Variants in CREB1 observed in about 807,000 individuals in gnomAD.
CREB1 encodes the protein cAMP responsive element binding protein 1.
Under a neutral mutation model 42.0 loss-of-function variants are expected in CREB1, and 2 were observed. The ratio of observed to expected loss-of-function variants is 0.05; its 90% confidence interval spans 0.02 to 0.15. The LOEUF (loss-of-function observed/expected upper bound fraction) is 0.15, where lower values mean the gene tolerates loss of function less well. Among genes scored for constraint, CREB1 ranks in the 10% least tolerant of loss-of-function variants. CREB1 has a pLI of 1.00. For missense variants in CREB1, 199 were observed against 388.9 expected, an observed-to-expected ratio of 0.51 and a Z score of 4.11; for synonymous variants, 123 against 139.9, an observed-to-expected ratio of 0.88 and a Z score of 0.85.
chr2:207,544,382 C>T (rs989669427), intron 1 of CREB1, among the ~76,000 whole-genome samples: 6 of 152,192 alleles, frequency 3.9e-5, no homozygotes, highest in African/African-American at 1.4e-4. Context: ...CATTGTATTC[C>T]TACCATTTCC....
chr2:207,593,542 T>C (rs906475128), intron 7 of CREB1, among the ~76,000 whole-genome samples: 9 of 151,860 alleles, frequency 5.9e-5, no homozygotes, highest in African/African-American at 1.7e-4. Flanking sequence ...AAATGAAAAA[T>C]AGAAGCAAAT....
At chr2:207,542,985 C>T (rs1354697365) in intron 1 of CREB1, among the ~76,000 whole-genome samples, 2 of 152,160 alleles carry the variant, frequency 1.3e-5, no homozygotes, top group African/African-American at 2.4e-5. Flanking sequence ...CCCTTGGTAT[C>T]GATGGGGAAT....
In CREB1 at chr2:207,598,287, AT is replaced by A. The variant is rs559214205; in HGVS notation, c.*1236del. The A allele has an allele frequency of 5.5e-6, 1 of 183,340 alleles. No individual in the cohort carries two copies. Among genetic ancestry groups the A allele is most frequent in the Non-Finnish European group, 1.2e-5 (1 of 86,154 alleles). 11.4% of individuals were successfully genotyped at this position (183,340 alleles called of 1,614,324 possible). On this transcript the variant is annotated 3_prime_UTR_variant, in exon 8 of 8. Coordinates refer to ENST00000353267, the MANE Select transcript of CREB1 (RefSeq NM_004379.5). ...ATTTGGATTGTCATTCTTACAAAACATTTTTTTGTTCTCTTGTAAAAAGAGT... is the reference window on the plus strand; with the variant it reads ...ATTTGGATTGTCATTCTTACAAAACATTTTTTGTTCTCTTGTAAAAAGAGT...
chr2:207,555,074 C>G (rs1411365843), intron 1 of CREB1, among the ~76,000 whole-genome samples: 1 of 152,170 alleles, frequency 6.6e-6, no homozygotes, highest in Non-Finnish European at 1.5e-5. Flanking sequence ...AAGACCTCAT[C>G]TCTAAAAAAT....
At position 207,576,736 on chromosome 2, in the gene CREB1, AT is replaced by A. The variant is rs919047360; in HGVS notation, c.689-765del. On this transcript the variant is annotated intron_variant, in intron 6 of 7. Transcript: ENST00000353267. ...TAAATCTTTTCCACTCAAACCATAC[AT>A]TTTAATTGATATTAATAATTAATAT... The A allele has an allele frequency of 7.0e-6, 8 of 1,148,744 alleles. No individual in the cohort carries two copies. The African/African-American group carries it at 1.3e-4, about 19-fold the overall frequency. The allele number at this position is 1,148,744 out of a possible 1,614,324, so 71.2% of individuals were successfully genotyped here.
chr2:207,549,485 G>A (rs927348346), intron 1 of CREB1, among the ~76,000 whole-genome samples: 1 of 152,100 alleles, frequency 6.6e-6, no homozygotes, highest in African/African-American at 2.4e-5. Flanking sequence ...GTGCACCCTA[G>A]TTATTGATTC....
chr2:207,531,247 G>A (rs932291076), intron 1 of CREB1, among the ~76,000 whole-genome samples: 1 of 152,020 alleles, frequency 6.6e-6, no homozygotes, highest in Non-Finnish European at 1.5e-5. Context: ...TGGGTCATCT[G>A]GATCTCCCCT....
At chr2:207,585,868 T>C (rs1200478792) in intron 7 of CREB1, among the ~76,000 whole-genome samples, 2 of 152,072 alleles carry the variant, frequency 1.3e-5, no homozygotes, top group African/African-American at 4.8e-5. Flanking sequence ...AAAGCCTACA[T>C]AGGACATCAT....
chr2:207,551,999 G>T (rs993908121), intron 1 of CREB1, among the ~76,000 whole-genome samples: 3 of 124,352 alleles, frequency 2.4e-5, no homozygotes, highest in Admixed American at 1.1e-4. Flanking sequence ...CCGAGATCGA[G>T]CCATTGCACT....
At chr2:207,551,368 G>A (rs905869241) in intron 1 of CREB1, among the ~76,000 whole-genome samples, 1 of 152,160 alleles carries the variant, frequency 6.6e-6, no homozygotes, top group Non-Finnish European at 1.5e-5. Flanking sequence ...AGGATGGAAA[G>A]GAAAAACTTT....
intron 7 of CREB1, chr2:207,582,062 C>A: frequency 1.4e-6 from 1 of 700,340 alleles, no homozygotes; most frequent in South Asian, 1.5e-5. Flanking sequence ...TAACTTTGAT[C>A]ACTTGGTTAA....
intron 1 of CREB1, among the ~76,000 whole-genome samples, chr2:207,538,556 A>G (rs1329094349): frequency 6.6e-6 from 1 of 152,232 alleles, no homozygotes; most frequent in East Asian, 1.9e-4. Flanking sequence ...GGATGATTCT[A>G]GGATCTCTAA....
chr2:207,595,996 G>A (rs1194781364), intron 7 of CREB1, among the ~76,000 whole-genome samples: 1 of 152,238 alleles, frequency 6.6e-6, no homozygotes, highest in African/African-American at 2.4e-5. Flanking sequence ...AGTCCTATTT[G>A]TCTATTTTTG....
chr2:207,581,880 A>C, intron 7 of CREB1: 1 of 702,926 alleles, frequency 1.4e-6, no homozygotes, highest in Non-Finnish European at 2.6e-6. Flanking sequence ...ATGGCCTTGT[A>C]ACTTTTGAAG....
At chr2:207,559,386 T>G (rs1485943924) in intron 2 of CREB1, 2 of 576,978 alleles carry the variant, frequency 3.5e-6, no homozygotes, top group Non-Finnish European at 4.4e-6. Flanking sequence ...CAAACCTCAT[T>G]ACTAAACTGA....
intron 3 of CREB1, among the ~76,000 whole-genome samples, chr2:207,563,635 A>G (rs2082032770): frequency 1.3e-5 from 2 of 152,332 alleles, no homozygotes; most frequent in Non-Finnish European, 2.9e-5. Flanking sequence ...TCTGACTTCT[A>G]AATGACTGTT....
intron 4 of CREB1, chr2:207,567,900 A>T (rs1319229734): frequency 6.1e-6 from 1 of 164,446 alleles, no homozygotes; most frequent in Non-Finnish European, 1.3e-5. Flanking sequence ...TCTACTTAGT[A>T]ACACATTGCA....
intron 1 of CREB1, among the ~76,000 whole-genome samples, chr2:207,537,872 A>G (rs562223836): frequency 3.7e-4 from 56 of 152,238 alleles, no homozygotes; most frequent in South Asian, 1.0e-3. Flanking sequence ...TTTTATCTGA[A>G]ATTCTTGGGA....
chr2:207,544,440 G>A (rs2081222468), intron 1 of CREB1, among the ~76,000 whole-genome samples: 1 of 152,114 alleles, frequency 6.6e-6, no homozygotes, highest in Non-Finnish European at 1.5e-5. Flanking sequence ...TACTTGTTTG[G>A]AAGGAATTTA....
Sources: allele counts gnomAD v4.1 joint callset (sites outside exome capture counted in the v4.1 genomes callset), GRCh38; gene constraint gnomAD v4.1.1; transcripts MANE v1.5; gene names NCBI Gene and HGNC (gene_info 2026-07-23, HGNC 2026-07-21).